Variants in PDCD6IP observed in about 807,000 individuals in gnomAD.
PDCD6IP encodes programmed cell death 6-interacting protein.
A neutral mutation model predicts 103.7 loss-of-function variants in PDCD6IP; 43 were observed. The ratio of observed to expected loss-of-function variants is 0.41; its 90% CI spans 0.32 to 0.53. PDCD6IP has a LOEUF of 0.53. PDCD6IP is among the 20% of genes least tolerant of loss of function. PDCD6IP has a pLI of 0.16. For synonymous variants in PDCD6IP, 354 were observed against 378.7 expected (o/e 0.93, Z 0.76); for missense variants, 871 against 1,036.7 (o/e 0.84, Z 2.20).
intron 1 of PDCD6IP, 75 bp from the exon 2 acceptor site, chr3:33,811,997 T>C: frequency 6.7e-7 from 1 of 1,487,128 alleles, no homozygotes; most frequent in Non-Finnish European, 9.0e-7. Flanking sequence ...TTTGTATCAT[T>C]TTAAACCAGT....
At chr3:33,831,953 C>T (rs1379705114) in intron 7 of PDCD6IP, among the ~76,000 whole-genome samples, 1 of 152,178 alleles carries the variant, frequency 6.6e-6, no homozygotes, top group African/African-American at 2.4e-5. Flanking sequence ...GTGTAAGCCA[C>T]AGTTTATTGC....
chr3:33,844,076 A>T, intron 10 of PDCD6IP, 36 bp from the exon 11 acceptor site: 1 of 1,282,640 alleles, frequency 7.8e-7, no homozygotes, highest in East Asian at 2.3e-5. Context: ...TATACCAGAA[A>T]TGACATTTCA....
intron 12 of PDCD6IP, among the ~76,000 whole-genome samples, chr3:33,849,917 T>C (rs538190905): frequency 1.1e-4 from 17 of 152,026 alleles, no homozygotes; most frequent in African/African-American, 4.1e-4. Flanking sequence ...AATTCGTTGT[T>C]TGAAATGGCA....
intron 15 of PDCD6IP, among the ~76,000 whole-genome samples, chr3:33,859,554 A>G (rs1697906282): frequency 6.6e-6 from 1 of 152,198 alleles, no homozygotes; most frequent in South Asian, 2.1e-4. Context: ...CAGACAAGGA[A>G]ATACAAATGG....
chr3:33,860,392 C>G (rs1351677871), intron 15 of PDCD6IP, among the ~76,000 whole-genome samples: 4 of 152,144 alleles, frequency 2.6e-5, no homozygotes, highest in Admixed American at 6.5e-5. Context: ...TGAAATCTTA[C>G]TGGATATAAT....
chr3:33,866,307 G>T (rs746947998), intron 17 of PDCD6IP, 44 bp from the exon 18 acceptor site: 1 of 1,149,008 alleles, frequency 8.7e-7, no homozygotes, highest in South Asian at 1.8e-5. Context: ...TTATTTTTTA[G>T]TATTTGATTT....
chr3:33,801,903 A>G (rs908449248), intron 1 of PDCD6IP, among the ~76,000 whole-genome samples: 1 of 152,182 alleles, frequency 6.6e-6, no homozygotes, highest in Admixed American at 6.5e-5. Flanking sequence ...TCTAAATTTT[A>G]TCCTGGGGAA....
At chr3:33,820,902 G>T (rs1696977060) in intron 3 of PDCD6IP, among the ~76,000 whole-genome samples, 1 of 152,042 alleles carries the variant, frequency 6.6e-6, no homozygotes, top group Non-Finnish European at 1.5e-5. Flanking sequence ...TCATTTTTTT[G>T]GGGGTGTATA....
At chr3:33,822,937 G>T (rs568082848) in intron 4 of PDCD6IP, among the ~76,000 whole-genome samples, 68 of 152,238 alleles carry the variant, frequency 4.5e-4, no homozygotes, top group Middle Eastern at 3.4e-3. Context: ...GATTACAGAT[G>T]TGAGCCACCA....
chr3:33,825,145 CT>C (rs1288074619), intron 4 of PDCD6IP, 41 bp from the exon 5 acceptor site: 2 of 1,544,956 alleles, frequency 1.3e-6, no homozygotes, highest in Middle Eastern at 3.4e-4. Context: ...GAAATTAAGT[CT>C]TGCTGAGTTC....
At chr3:33,852,032 T>TACA (rs1697725957) in intron 12 of PDCD6IP, among the ~76,000 whole-genome samples, 1 of 152,174 alleles carries the variant, frequency 6.6e-6, no homozygotes, top group South Asian at 2.1e-4. Flanking sequence ...GGGAGTAGAA[T>TACA]GTAGAGTGGC....
At chr3:33,857,698 A>G (rs1163192824) in intron 15 of PDCD6IP, among the ~76,000 whole-genome samples, 2 of 152,220 alleles carry the variant, frequency 1.3e-5, no homozygotes, top group Non-Finnish European at 2.9e-5. Flanking sequence ...GGTTTGTCTT[A>G]ATAGATGAGG....
At chr3:33,824,596 C>A (rs565147459) in intron 4 of PDCD6IP, among the ~76,000 whole-genome samples, 2 of 152,282 alleles carry the variant, frequency 1.3e-5, no homozygotes, top group African/African-American at 4.8e-5. Flanking sequence ...TGATTTATTT[C>A]TTTTTCTTAG....
At chr3:33,835,285 G>T (rs1253054443) in intron 7 of PDCD6IP, 1 of 456,720 alleles carries the variant, frequency 2.2e-6, no homozygotes, top group Non-Finnish European at 4.4e-6. Flanking sequence ...TAGGCCGTTT[G>T]AGGTTCCTGC....
intron 10 of PDCD6IP, among the ~76,000 whole-genome samples, chr3:33,843,340 T>C (rs1697517078): frequency 6.6e-6 from 1 of 152,210 alleles, no homozygotes; most frequent in Non-Finnish European, 1.5e-5. Context: ...TGACTTTTCA[T>C]GTTCTAAATT....
chr3:33,854,305 A>G lies in PDCD6IP; in HGVS notation c.2025+292A>G, dbSNP rs142510422. On this transcript the variant is annotated intron_variant, in intron 14 of 17. Transcript: ENST00000307296. ...TGTCAATGACACCTTTTTAAGGGAT[A>G]GGAAGTTGACTAATTTGATGAATTT... Among the ~76,000 whole-genome samples, 10 of 152,306 alleles carry G rather than the reference A, an allele frequency of 6.6e-5. No individual in the cohort carries two copies. The East Asian group carries it at 1.7e-3, about 26-fold the overall frequency.
intron 1 of PDCD6IP, among the ~76,000 whole-genome samples, chr3:33,805,735 T>C (rs1385311058): frequency 6.6e-6 from 1 of 151,048 alleles, no homozygotes; most frequent in East Asian, 1.9e-4. Context: ...TTTTTTTTTT[T>C]AAACTAGAAT....
Position 33,864,148 on chromosome 3 carries a change from AT to A in PDCD6IP, c.2244+23del. On this transcript the variant is annotated intron_variant, in intron 16 of 17. Coordinates refer to ENST00000307296, the MANE Select transcript of PDCD6IP (RefSeq NM_013374.6). Reference sequence around the variant, plus strand: ...CATGCCGGTTAGTAGGCAAATAAATATTTTAAACAGAGGTTTTACATTAACG... The same window carrying A: ...CATGCCGGTTAGTAGGCAAATAAATATTTAAACAGAGGTTTTACATTAACG... The A allele has an allele frequency of 7.4e-7, 1 of 1,345,302 alleles. No homozygotes were observed. The highest frequency in any genetic ancestry group is 1.1e-6 in the Non-Finnish European group (1 of 939,284). The allele number at this position is 1,345,302 out of a possible 1,614,324, so 83.3% of individuals were successfully genotyped here.
rs888586989 is a variant in PDCD6IP, at chr3:33,852,410, T to C, written c.1642-78T>C. On this transcript the variant is annotated intron_variant, in intron 12 of 17. Transcript: ENST00000307296. ...CTCTCTCTCAGCCCGAATGAACCTT[T>C]ATATATTATTTCCTTCTCGAAATTG... 9.5e-6 allele frequency: 14 copies of C among 1,471,234 alleles called. No homozygotes were observed. In the Admixed American group the frequency reaches 3.6e-4, roughly 38 times the overall value. 91.1% of individuals were successfully genotyped at this position (1,471,234 alleles called of 1,614,324 possible). A position where few individuals can be genotyped will look rare whatever the true frequency, so the allele number is the denominator to read the frequency against.
Sources: allele counts gnomAD v4.1 joint callset (sites outside exome capture counted in the v4.1 genomes callset), GRCh38; gene constraint gnomAD v4.1.1; transcripts MANE v1.5; gene names NCBI Gene and HGNC (gene_info 2026-07-23, HGNC 2026-07-21).